Variants in UGT1A10 observed in about 807,000 individuals in gnomAD.
UGT1A10 encodes the protein UDP-glucuronosyltransferase 1A10.
UGT1A10 carries 49 observed loss-of-function variants against 45.8 expected under a neutral mutation model. That is an observed-to-expected ratio of 1.07 (90% CI 0.85 to 1.36). The LOEUF (loss-of-function observed/expected upper bound fraction) is 1.36, where lower values mean the gene tolerates loss of function less well. Ranked by LOEUF, UGT1A10 falls within the 40% of genes most tolerant of loss-of-function variation. The pLI, the probability that UGT1A10 is intolerant of heterozygous loss-of-function variation, is 0.00. For missense variants in UGT1A10, 745 were observed against 668.6 expected (o/e 1.11, Z -1.26); for synonymous variants, 284 against 249.7 (o/e 1.14, Z -1.29).
At chr2:233,649,097 C>T (rs1435920768) in intron 1 of UGT1A10, 2 of 831,428 alleles carry the variant, frequency 2.4e-6, no homozygotes, top group East Asian at 7.9e-5. Flanking sequence ...CCTTACGGAA[C>T]TGGGATTTGA....
chr2:233,674,118 C>T (rs2074274069), intron 1 of UGT1A10, among the ~76,000 whole-genome samples: 1 of 152,134 alleles, frequency 6.6e-6, no homozygotes, highest in Admixed American at 6.6e-5. Flanking sequence ...TACAATTTAT[C>T]TATTGTTCTG....
rs1240637968 is a variant in UGT1A10 at position 233,729,257 on chromosome 2, T to A, written c.856-37777T>A. 6.2e-7 allele frequency: 1 copy of A among 1,613,994 alleles called. No homozygotes were observed. Among genetic ancestry groups the A allele is most frequent in the Non-Finnish European group, 8.5e-7 (1 of 1,179,936 alleles). On this transcript the variant is annotated intron_variant, in intron 1 of 4. Transcript: ENST00000344644. ...ATTGATGGCAGCCACTGGCTCAGCA[T>A]GCGGGAGGTCTTGCGGGAGCTCCAT...
chr2:233,655,605 G>C (rs1385649074), intron 1 of UGT1A10, among the ~76,000 whole-genome samples: 2 of 152,130 alleles, frequency 1.3e-5, no homozygotes, highest in Admixed American at 6.5e-5. Context: ...AAACTGTCTA[G>C]TGTGTTTCGC....
rs1378929014 is a variant in UGT1A10, at chr2:233,747,451, A to G, written c.856-19583A>G. On this transcript the variant is annotated intron_variant, in intron 1 of 4. Coordinates refer to ENST00000344644, the MANE Select transcript of UGT1A10 (RefSeq NM_019075.4). ...GAGAAATTTTTCACCCTGACAACCT[A>G]TGCCATTTCATGGACCCAGGATGAA... is the stretch of plus-strand genomic sequence containing the variant. 1.7e-4 allele frequency: 273 copies of G among 1,608,716 alleles called. 1 individual carries two copies. The highest frequency in any genetic ancestry group is 3.3e-5 in the Admixed American group (2 of 59,980).
At chr2:233,652,495 A>G (rs1267985102) in intron 1 of UGT1A10, among the ~76,000 whole-genome samples, 1 of 152,226 alleles carries the variant, frequency 6.6e-6, no homozygotes, top group East Asian at 1.9e-4. Context: ...AGAAATAAGG[A>G]AAAAAGGAAA....
At chr2:233,689,285 G>T (rs972583295) in intron 1 of UGT1A10, among the ~76,000 whole-genome samples, 4 of 152,140 alleles carry the variant, frequency 2.6e-5, no homozygotes, top group African/African-American at 7.2e-5. Flanking sequence ...ACTAAACTGG[G>T]GTTCACTCAC....
intron 1 of UGT1A10, among the ~76,000 whole-genome samples, chr2:233,669,365 A>G: frequency 6.6e-6 from 1 of 152,172 alleles, no homozygotes; most frequent in East Asian, 1.9e-4. Flanking sequence ...GCCTGCTGGA[A>G]TTTAGATTGG....
At chr2:233,719,767 A>G (rs1291617855) in intron 1 of UGT1A10, 8 of 1,611,870 alleles carry the variant, frequency 5.0e-6, no homozygotes, top group Non-Finnish European at 6.8e-6. Context: ...AAGTGCTTCC[A>G]TATCTACTTA....
intron 1 of UGT1A10, among the ~76,000 whole-genome samples, chr2:233,766,787 C>G (rs1296978407): frequency 6.6e-6 from 1 of 152,170 alleles, no homozygotes; most frequent in Non-Finnish European, 1.5e-5. Flanking sequence ...TTTTGGAAAA[C>G]TAGCACATTA....
intron 1 of UGT1A10, among the ~76,000 whole-genome samples, chr2:233,663,878 A>G (rs901846785): frequency 5.3e-5 from 8 of 152,112 alleles, no homozygotes; most frequent in Non-Finnish European, 1.2e-4. Context: ...TTTTGATTCT[A>G]TGAATTTCTC....
In UGT1A10 at chr2:233,730,882, A is replaced by G. The variant is rs150237801; in HGVS notation, c.856-36152A>G. On this transcript the variant is annotated intron_variant, in intron 1 of 4. Coordinates refer to ENST00000344644, the MANE Select transcript of UGT1A10 (RefSeq NM_019075.4). ...ACCCTACTGCACTCCAGGTTTCTAT[A>G]GTGGGATCTACTCCTTTACCAAAAA... 3.7e-3 allele frequency among the ~76,000 whole-genome samples: 556 copies of G among 152,264 alleles called. 1 individual carries two copies. The highest frequency in any genetic ancestry group is 7.3e-3 in the Admixed American group (112 of 15,302).
intron 1 of UGT1A10, among the ~76,000 whole-genome samples, chr2:233,650,931 T>A (rs965677950): frequency 1.3e-5 from 2 of 152,240 alleles, no homozygotes; most frequent in Non-Finnish European, 2.9e-5. Context: ...ATTTTGGCTA[T>A]GTTCTGGCTT....
intron 1 of UGT1A10, among the ~76,000 whole-genome samples, chr2:233,696,681 G>A (rs1297027758): frequency 6.6e-6 from 1 of 152,194 alleles, no homozygotes; most frequent in Non-Finnish European, 1.5e-5. Flanking sequence ...AGTGCTGACA[G>A]TCAGCATCTT....
intron 1 of UGT1A10, among the ~76,000 whole-genome samples, chr2:233,639,544 A>T (rs28969689): frequency 0.016 from 2,420 of 152,326 alleles, 57 homozygotes; most frequent in African/African-American, 0.055. Flanking sequence ...TCTGAGTCTC[A>T]TCTGTCTGAT....
intron 1 of UGT1A10, chr2:233,740,704 A>G (rs1042428979): frequency 6.6e-6 from 1 of 151,780 alleles, no homozygotes; most frequent in African/African-American, 2.4e-5. Context: ...AGGGATTTCA[A>G]GAGGGTCATC....
intron 1 of UGT1A10, among the ~76,000 whole-genome samples, chr2:233,659,379 T>C (rs1192467156): frequency 6.6e-6 from 1 of 152,206 alleles, no homozygotes; most frequent in Non-Finnish European, 1.5e-5. Context: ...ATATTTGATA[T>C]GCTTTATGTG....
intron 1 of UGT1A10, among the ~76,000 whole-genome samples, chr2:233,670,867 A>C (rs1212661346): frequency 3.3e-5 from 5 of 152,234 alleles, no homozygotes; most frequent in African/African-American, 4.8e-5. Flanking sequence ...TCAGGGACAA[A>C]GTAATGATAG....
At position 233,719,685 on chromosome 2, in the gene UGT1A10, C is replaced by T. The variant is rs745851656; in HGVS notation, c.856-47349C>T. 4.3e-6 allele frequency: 7 copies of T among 1,613,938 alleles called. No homozygotes were observed. The South Asian group carries it at 6.6e-5, about 15-fold the overall frequency. Reference sequence around the variant, plus strand: ...CTGTGCCAACGGGAAGCCACTATCTCAGGTCTGTATTGGTGCCTTCATCCA... The same window carrying T: ...CTGTGCCAACGGGAAGCCACTATCTTAGGTCTGTATTGGTGCCTTCATCCA... On this transcript the variant is annotated intron_variant, in intron 1 of 4. Transcript: ENST00000344644.
At chr2:233,708,245 A>G (rs748407725) in intron 1 of UGT1A10, among the ~76,000 whole-genome samples, 7 of 152,232 alleles carry the variant, frequency 4.6e-5, no homozygotes, top group African/African-American at 1.4e-4. Flanking sequence ...GTATAAGTGT[A>G]CACTTTCCTT....
Sources: allele counts gnomAD v4.1 joint callset (sites outside exome capture counted in the v4.1 genomes callset), GRCh38; gene constraint gnomAD v4.1.1; transcripts MANE v1.5; gene names NCBI Gene and HGNC (gene_info 2026-07-23, HGNC 2026-07-21).